Variants in PITPNM1 observed in about 807,000 individuals in gnomAD.
PITPNM1 encodes phosphatidylinositol transfer protein membrane associated 1, also known as membrane-associated phosphatidylinositol transfer protein 1.
PITPNM1 carries 74 observed loss-of-function variants against 133.3 expected under a neutral mutation model. The ratio of observed to expected loss-of-function variants is 0.56; its 90% confidence interval spans 0.46 to 0.67. PITPNM1 has a LOEUF of 0.67. Ranked by LOEUF, PITPNM1 falls within the 30% of genes least tolerant of loss-of-function variation. The probability of loss-of-function intolerance (pLI) is 0.00; values close to 1 mark genes in which losing one functional copy is unlikely to be tolerated. For missense variants in PITPNM1, 1,398 were observed against 1,739.5 expected, an observed-to-expected ratio of 0.80 and a Z score of 3.49; for synonymous variants, 738 against 741.4, an observed-to-expected ratio of 1.00 and a Z score of 0.08.
chr11:67,493,858 C>T (rs1866016417), intron 20 of PITPNM1, 21 bp from the exon 21 acceptor site: 14 of 1,530,718 alleles, frequency 9.1e-6, no homozygotes, highest in African/African-American at 1.4e-5. Context: ...CGGGGCGGGG[C>T]GTGAGTGGCG....
chr11:67,500,481 C>A (rs555320615), intron 5 of PITPNM1, 60 bp from the exon 6 acceptor site: 45 of 1,518,316 alleles, frequency 3.0e-5, no homozygotes, highest in East Asian at 1.1e-4. Flanking sequence ...ACCGCAGCTA[C>A]ATGCCCAGCC....
At position 67,498,060 on chromosome 11, in the gene PITPNM1, T is replaced by G; in HGVS notation, c.1675-36A>C. On this transcript the variant is annotated intron_variant, in intron 11 of 23. Coordinates refer to ENST00000356404, the MANE Select transcript of PITPNM1 (RefSeq NM_004910.3). This position sits in a 1 kb window ranked among gnomAD's most constrained non-coding sequence, Gnocchi z 5.7. ...GCAGGGGCACCATCAGGAGAGGCCT[T>G]GTCCTCACCCAGGCCAGACTACAGT... The G allele has an allele frequency of 1.2e-6, 2 of 1,607,174 alleles. No individual in the cohort carries two copies. Among genetic ancestry groups the G allele is most frequent in the Non-Finnish European group, 1.7e-6 (2 of 1,177,792 alleles).
chr11:67,495,586 C>A lies in PITPNM1; in HGVS notation c.2334G>T (p.Thr778=). ...SSLLLADTLQ[T]HSSLFLEELE... ...GCTCCTCCAGAAAGAGGCTGGAGTG[C>A]GTCTGCAGAGTGTCGGCTGGGGGAA... Residue 778 remains threonine, a synonymous_variant, in exon 16 of 24, where the codon ACG becomes ACT. Transcript: ENST00000356404. 1 of 1,575,884 alleles carries A rather than the reference C, an allele frequency of 6.3e-7. No individual in the cohort carries two copies. Among genetic ancestry groups the A allele is most frequent in the Non-Finnish European group, 8.6e-7 (1 of 1,166,288 alleles).
chr11:67,493,267 G>C (rs895945133), intron 22 of PITPNM1, 143 bp downstream of exon 22: 4 of 1,098,474 alleles, frequency 3.6e-6, no homozygotes, highest in African/African-American at 3.2e-5. Context: ...AACTAGGGGA[G>C]CAGGACCGTA....
chr11:67,495,081 C>T lies in PITPNM1; in HGVS notation c.2627G>A (p.Arg876His), dbSNP rs1866073126. The T allele has an allele frequency of 6.2e-7, 1 of 1,612,590 alleles. No individual in the cohort carries two copies. The highest frequency in any genetic ancestry group is 8.5e-7 in the Non-Finnish European group (1 of 1,179,878). ...ATTCCATATTCCCAGGCCCACCTGG[C>T]GCAGGATGAACGCCACCACGTCGGC... ...ESADVVAFIL[R>H]QVIEKERPQL... Residue 876 changes from arginine to histidine, a missense_variant, in exon 17 of 24, where the codon CGC (arginine) becomes CAC (histidine). Physicochemically the swap from Arg to His is conservative, Grantham distance 29 (BLOSUM62 0). This residue lies in a region of PITPNM1 where 574 missense variants were observed against 698.7 expected (regional missense o/e 0.82). Coordinates refer to ENST00000356404, the MANE Select transcript of PITPNM1 (RefSeq NM_004910.3).
chr11:67,494,967 CA>C lies in PITPNM1; in HGVS notation c.2632-12del. ...CTCCTTCTCGATCACCTGCACGGGA[CA>C]GGGGGCGAGGCCTCTGTCTCTTAGG... On this transcript the variant is annotated splice_polypyrimidine_tract_variant and intron_variant, in intron 17 of 23. Transcript: ENST00000356404. The C allele has an allele frequency of 1.9e-6, 3 of 1,611,484 alleles. No individual in the cohort carries two copies. The African/African-American group carries it at 4.0e-5, about 21-fold the overall frequency.
Position 67,502,296 on chromosome 11 carries a change from G to A in PITPNM1, c.411C>T (p.Ile137=). 6.2e-7 allele frequency: 1 copy of A among 1,613,006 alleles called. No individual in the cohort carries two copies. Among genetic ancestry groups the A allele is most frequent in the Non-Finnish European group, 8.5e-7 (1 of 1,179,986 alleles). Residue 137 remains isoleucine (I), a synonymous_variant, in exon 4 of 24, where the codon ATC becomes ATT. Transcript: ENST00000356404. This position sits in a 1 kb window ranked among gnomAD's most constrained non-coding sequence, Gnocchi z 5.9. ...CCCCATAGCTCCAGGCCTCACCCAG[G>A]ATGCGCTGTCTCCTCTCGGCCCCGC... ...NLSGAERRQR[I]LDTIDIVRDA...
chr11:67,504,193 C>G lies in PITPNM1; in HGVS notation c.-13G>C. ...CCTTGATGAGCATCCTGAAGGCGCTCGGCGGGCCGCGCGCGGCCTCCGCTC... is the reference window on the plus strand; with the variant it reads ...CCTTGATGAGCATCCTGAAGGCGCTGGGCGGGCCGCGCGCGGCCTCCGCTC... On this transcript the variant is annotated 5_prime_UTR_variant, in exon 2 of 24. Transcript: ENST00000356404. This position sits in a 1 kb window ranked among gnomAD's most constrained non-coding sequence, Gnocchi z 5.4. The G allele has an allele frequency of 1.9e-6, 3 of 1,568,192 alleles. No homozygotes were observed. The highest frequency in any genetic ancestry group is 4.9e-5 in the East Asian group (2 of 41,224).
At chr11:67,501,759 GCTTT>G (rs1488094107) in intron 5 of PITPNM1, 99 bp downstream of exon 5, 1 of 1,017,800 alleles carries the variant, frequency 9.8e-7, no homozygotes, top group Non-Finnish European at 1.4e-6. Context: ...GGAAACGATG[GCTTT>G]CTGCTTCTGT....
At chr11:67,496,427 AG>A (rs146382298) in intron 14 of PITPNM1, 79 bp from the exon 15 acceptor site, 3 of 1,334,228 alleles carry the variant, frequency 2.2e-6, no homozygotes, top group African/African-American at 3.0e-5. Flanking sequence ...GTGTGGGAGC[AG>A]CACCCTGATG....
At chr11:67,495,380 A>G in intron 16 of PITPNM1, 58 bp downstream of exon 16, 2 of 1,457,750 alleles carry the variant, frequency 1.4e-6, no homozygotes, top group Admixed American at 5.3e-5. Context: ...TGGGCTTCGG[A>G]GGTGGAATAC....
rs1163631221 is a variant in PITPNM1, at chr11:67,502,398, G to A, written c.309C>T (p.Phe103=). 6.8e-6 allele frequency: 11 copies of A among 1,613,908 alleles called. No homozygotes were observed. Among genetic ancestry groups the A allele is most frequent in the South Asian group, 2.2e-5 (2 of 91,082 alleles). Residue 103 remains phenylalanine, a synonymous_variant, in exon 4 of 24, where the codon TTC becomes TTT. Transcript: ENST00000356404. This position sits in a 1 kb window ranked among gnomAD's most constrained non-coding sequence, Gnocchi z 5.9. ...CAATTTCAATGGAGAATTTCTCCAC[G>A]AAAGGGCAGGTGTACCTGGGCAGAA... ...PYTRTRYTCP[F]VEKFSIEIET... is the part of the protein sequence containing the mutation.
chr11:67,503,545 C>G (rs1866400176), intron 2 of PITPNM1, among the ~76,000 whole-genome samples: 2 of 152,208 alleles, frequency 1.3e-5, no homozygotes, highest in South Asian at 4.1e-4. Flanking sequence ...TCCGGGCCCT[C>G]TTGCTTTATG....
chr11:67,493,695 C>T lies in PITPNM1; in HGVS notation c.3151G>A (p.Val1051Met). The change falls in exon 21 of 24, where the codon GTG (valine) becomes ATG (methionine). Residue 1051 changes from valine to methionine, a missense_variant. Val to Met is a conservative substitution (Grantham distance 21). This residue lies in a region of PITPNM1 where 233 missense variants were observed against 378.0 expected (regional missense o/e 0.62). Transcript: ENST00000356404. The stretch of plus-strand genomic sequence containing the variant: ...GGCAGTGGCAACTCCTACCTGACCA[C>T]GTCCACGGCGCCAGCTCGCACCTTG... ...DPKVRAGAVD[V>M]VRHWQDSGYL... 3 of 1,546,350 alleles carry T rather than the reference C, an allele frequency of 1.9e-6. No homozygotes were observed. Among genetic ancestry groups the T allele is most frequent in the Non-Finnish European group, 2.6e-6 (3 of 1,146,902 alleles).
Position 67,498,498 on chromosome 11 carries a change from C to A in PITPNM1, c.1484+98G>T. ...GAACAGGTCCAGCCATGCCAGTGAC[C>A]GACCCAGGTGTCTGGCTTCCTGACC... On this transcript the variant is annotated intron_variant, in intron 10 of 23. Coordinates refer to ENST00000356404, the MANE Select transcript of PITPNM1 (RefSeq NM_004910.3). This position sits in a 1 kb window ranked among gnomAD's most constrained non-coding sequence, Gnocchi z 5.7. 6.6e-7 allele frequency: 1 copy of A among 1,516,638 alleles called. No individual in the cohort carries two copies. The highest frequency in any genetic ancestry group is 1.2e-5 in the South Asian group (1 of 80,824). 93.9% of individuals were successfully genotyped at this position (1,516,638 alleles called of 1,614,324 possible).
chr11:67,501,937 C>A lies in PITPNM1; in HGVS notation c.565G>T (p.Ala189Ser). The A allele has an allele frequency of 2.5e-6, 4 of 1,613,590 alleles. No homozygotes were observed. The highest frequency in any genetic ancestry group is 3.4e-6 in the Non-Finnish European group (4 of 1,180,018). The change falls in exon 5 of 24, where the codon GCC becomes TCC. Residue 189 changes from alanine to serine, a missense_variant. Ala to Ser is a moderately conservative substitution (Grantham distance 99, BLOSUM62 1). Transcript: ENST00000356404. ...AACTCAACCTTGCACAGCTTATAGG[C>A]ACACATAAGGGGCCCCGTCTGTGCC... The part of the protein sequence containing the change: ...TAAQTGPLMC[A>S]YKLCKVEFRY...
At chr11:67,505,782 C>T (rs1343072332), upstream of PITPNM1, among the ~76,000 whole-genome samples, 1 of 152,214 alleles carries the variant, frequency 6.6e-6, no homozygotes, top group Non-Finnish European at 1.5e-5. This position sits in a 1 kb window ranked among gnomAD's most constrained non-coding sequence, Gnocchi z 5.8. Context: ...TAGGGCTGGG[C>T]TCGGCTCCAG....
rs1205536403 is a variant in PITPNM1, at chr11:67,499,640, TG to T, written c.1171+82del. The T allele has an allele frequency of 9.1e-6, 3 of 330,502 alleles. No individual in the cohort carries two copies. The Admixed American group carries it at 1.8e-4, about 20-fold the overall frequency. 20.5% of individuals were successfully genotyped at this position (330,502 alleles called of 1,614,324 possible). A position where few individuals can be genotyped will look rare whatever the true frequency, so the allele number is the denominator to read the frequency against. ...GTATTTAATGAGCACCTCTTCAGATTGCCTCTCATCTTAAGATGCCATTAAA... is the reference window on the plus strand; with the variant it reads ...GTATTTAATGAGCACCTCTTCAGATTCCTCTCATCTTAAGATGCCATTAAA... On this transcript the variant is annotated intron_variant, in intron 8 of 23. Transcript: ENST00000356404.
At chr11:67,503,006 G>T (rs1165948966) in intron 2 of PITPNM1, among the ~76,000 whole-genome samples, 2 of 152,208 alleles carry the variant, frequency 1.3e-5, no homozygotes, top group African/African-American at 2.4e-5. Context: ...ATATATTGAT[G>T]AATAGAACAA....
Sources: gnomAD v4.1 joint callset for allele counts (sites outside exome capture counted in the v4.1 genomes callset) on GRCh38, gnomAD v4.1.1 for gene constraint, gnomAD v4.1.1 regional missense constraint, Gnocchi (gnomAD v3.1) non-coding constraint, MANE v1.5 for transcripts, NCBI Gene and HGNC (gene_info 2026-07-23, HGNC 2026-07-21) for gene names.